The following SMAD1 variants were observed in gnomAD, a reference collection of about 807,000 sequenced individuals.
The protein encoded by SMAD1 is SMAD family member 1.
SMAD1 carries 6 observed loss-of-function variants against 41.6 expected under a neutral mutation model. The ratio of observed to expected loss-of-function variants is 0.14; its 90% CI spans 0.08 to 0.28. SMAD1 has a LOEUF of 0.28. SMAD1 is among the 10% of genes least tolerant of loss of function. The probability of loss-of-function intolerance (pLI) is 1.00; values close to 1 mark genes in which losing one functional copy is unlikely to be tolerated. For synonymous variants in SMAD1, 206 were observed against 203.2 expected (o/e 1.01, Z -0.12); for missense variants, 379 against 582.6 (o/e 0.65, Z 3.60).
intron 2 of SMAD1, among the ~76,000 whole-genome samples, chr4:145,530,249 G>A (rs1333416794): frequency 6.6e-6 from 1 of 152,114 alleles, no homozygotes; most frequent in Non-Finnish European, 1.5e-5. Flanking sequence ...TACCAGGGGT[G>A]GATAGAAAGA....
chr4:145,491,729 G>T (rs549650828), intron 1 of SMAD1, among the ~76,000 whole-genome samples: 1 of 152,276 alleles, frequency 6.6e-6, no homozygotes, highest in East Asian at 1.9e-4. Context: ...TCGTCCAGGA[G>T]TTTCCTTATT....
chr4:145,548,625 G>A (rs1732387529), intron 5 of SMAD1, among the ~76,000 whole-genome samples: 6 of 152,130 alleles, frequency 3.9e-5, no homozygotes, highest in Admixed American at 3.3e-4. Flanking sequence ...GGGGAAGGCT[G>A]GTTGATAAAT....
chr4:145,548,432 T>C (rs903889531), intron 5 of SMAD1, among the ~76,000 whole-genome samples: 4 of 152,086 alleles, frequency 2.6e-5, no homozygotes, highest in African/African-American at 9.7e-5. Context: ...AGTTTTACCT[T>C]GTTGGCTAGG....
chr4:145,527,140 ATAT>A (rs1463934226), intron 2 of SMAD1, among the ~76,000 whole-genome samples: 1 of 152,174 alleles, frequency 6.6e-6, no homozygotes, highest in African/African-American at 2.4e-5. Context: ...TTAGAATAAA[ATAT>A]TAATAAAGTT....
In SMAD1 at chr4:145,482,168, C is replaced by A; in HGVS notation, c.-177+130C>A. On this transcript the variant is annotated intron_variant, in intron 1 of 6. Coordinates refer to ENST00000302085, the MANE Select transcript of SMAD1 (RefSeq NM_005900.3). This position sits in a 1 kb window ranked among gnomAD's most constrained non-coding sequence, Gnocchi z 4.2. Reference sequence around the variant, plus strand: ...GTGGGGCCGCCGCGGTCGTGCTGGGCTGGGGGCGCGGGCAGCGGCGGGAAG... The same window carrying A: ...GTGGGGCCGCCGCGGTCGTGCTGGGATGGGGGCGCGGGCAGCGGCGGGAAG... 1 of 150,820 alleles carries A rather than the reference C, an allele frequency of 6.6e-6. No individual in the cohort carries two copies. The highest frequency in any genetic ancestry group is 1.5e-5 in the Non-Finnish European group (1 of 67,654). The allele number at this position is 150,820 out of a possible 1,614,324, so 9.3% of individuals were successfully genotyped here.
Position 145,482,381 on chromosome 4 carries a change from C to G in SMAD1, c.-177+343C>G, listed in dbSNP as rs578012107. ...GGCCCCCGAGCCTCGGCTCCCGGGCCTGACCGCGCTGGGATCTCCCCGGCC... is the reference window on the plus strand; with the variant it reads ...GGCCCCCGAGCCTCGGCTCCCGGGCGTGACCGCGCTGGGATCTCCCCGGCC... On this transcript the variant is annotated intron_variant, in intron 1 of 6. Transcript: ENST00000302085. The surrounding 1 kb of genome is among the most constrained non-coding windows in gnomAD (Gnocchi z 4.2). The G allele has an allele frequency of 6.6e-6, 1 of 152,356 alleles. No individual in the cohort carries two copies. Among genetic ancestry groups the G allele is most frequent in the East Asian group, 2.0e-4 (1 of 5,122 alleles). 9.4% of individuals were successfully genotyped at this position (152,356 alleles called of 1,614,324 possible).
intron 6 of SMAD1, among the ~76,000 whole-genome samples, chr4:145,555,425 C>T (rs1284033142): frequency 6.6e-6 from 1 of 152,102 alleles, no homozygotes; most frequent in Non-Finnish European, 1.5e-5. Flanking sequence ...GTGATTAAGG[C>T]ACAGATTTCT....
intron 1 of SMAD1, chr4:145,503,773 T>TGGCTACTCTAGTTTCCTCCCATATCC (rs1729602728): frequency 6.6e-6 from 1 of 152,284 alleles, no homozygotes; most frequent in South Asian, 2.1e-4. Context: ...GGGTTTTCTC[T>TGGCTACTCTAGTTTCCTCCCATATCC]GGCTACTCTA....
At chr4:145,557,551 A>G (rs138709011) in intron 6 of SMAD1, among the ~76,000 whole-genome samples, 1 of 152,318 alleles carries the variant, frequency 6.6e-6, no homozygotes, top group Non-Finnish European at 1.5e-5. Flanking sequence ...CCTCAAGACC[A>G]GCAATTCTTA....
chr4:145,483,840 G>A (rs550233064), intron 1 of SMAD1, among the ~76,000 whole-genome samples: 1 of 152,242 alleles, frequency 6.6e-6, no homozygotes, highest in Admixed American at 6.5e-5. Flanking sequence ...ACAACCATAG[G>A]TATGTAACCA....
At chr4:145,516,232 G>A (rs1730380490) in intron 2 of SMAD1, among the ~76,000 whole-genome samples, 1 of 152,074 alleles carries the variant, frequency 6.6e-6, no homozygotes, top group African/African-American at 2.4e-5. Flanking sequence ...ATGAGTCCAT[G>A]ACAATATGTA....
chr4:145,549,118 G>C (rs1317362800), intron 5 of SMAD1, among the ~76,000 whole-genome samples: 1 of 152,126 alleles, frequency 6.6e-6, no homozygotes, highest in African/African-American at 2.4e-5. Context: ...ACAAAGGTAT[G>C]GAAATGTTCC....
chr4:145,543,833 A>G (rs1169200948), intron 4 of SMAD1, among the ~76,000 whole-genome samples: 2 of 152,240 alleles, frequency 1.3e-5, no homozygotes, highest in African/African-American at 2.4e-5. Flanking sequence ...GCTGCACTCA[A>G]CACATGGCAT....
At chr4:145,488,718 G>T (rs1470423566) in intron 1 of SMAD1, among the ~76,000 whole-genome samples, 3 of 151,906 alleles carry the variant, frequency 2.0e-5, no homozygotes, top group Admixed American at 1.3e-4. Flanking sequence ...ATGAAGGAGG[G>T]ATATTAAATG....
intron 2 of SMAD1, among the ~76,000 whole-genome samples, chr4:145,524,419 G>T (rs1294089392): frequency 6.6e-6 from 1 of 151,786 alleles, no homozygotes; most frequent in African/African-American, 2.4e-5. Context: ...AGCCATTACT[G>T]TATGTTACTT....
chr4:145,506,427 G>A (rs1224063185), intron 1 of SMAD1, among the ~76,000 whole-genome samples: 2 of 151,946 alleles, frequency 1.3e-5, no homozygotes, highest in Non-Finnish European at 2.9e-5. Context: ...TTTTCCCCCA[G>A]TCACTTTTTG....
chr4:145,559,085 C>T lies in SMAD1; in HGVS notation c.*1151C>T, dbSNP rs1732998902. Among the ~76,000 whole-genome samples, 2 of 152,120 alleles carry T rather than the reference C, an allele frequency of 1.3e-5. No homozygotes were observed. The highest frequency in any genetic ancestry group is 1.5e-5 in the Non-Finnish European group (1 of 68,034). Reference sequence around the variant, plus strand: ...AATCTTTTGTATTCACTTATGCTCTCGTACATTGAGTACTTTTATTCCAAA... The same window carrying T: ...AATCTTTTGTATTCACTTATGCTCTTGTACATTGAGTACTTTTATTCCAAA... On this transcript the variant is annotated 3_prime_UTR_variant, in exon 7 of 7. Coordinates refer to ENST00000302085, the MANE Select transcript of SMAD1 (RefSeq NM_005900.3).
At chr4:145,550,684 C>T (rs1398348986) in intron 5 of SMAD1, among the ~76,000 whole-genome samples, 1 of 152,124 alleles carries the variant, frequency 6.6e-6, no homozygotes, top group Non-Finnish European at 1.5e-5. Flanking sequence ...ATCTAGAAAC[C>T]TCCAAAGAAT....
chr4:145,526,389 A>G (rs1578792400), intron 2 of SMAD1, among the ~76,000 whole-genome samples: 1 of 152,210 alleles, frequency 6.6e-6, no homozygotes, highest in South Asian at 2.1e-4. Context: ...AGCACCTGAA[A>G]AGTTTACCCA....
Sources: allele counts gnomAD v4.1 joint callset (sites outside exome capture counted in the v4.1 genomes callset), GRCh38; gene constraint gnomAD v4.1.1; non-coding constraint Gnocchi (gnomAD v3.1); transcripts MANE v1.5; gene names NCBI Gene and HGNC (gene_info 2026-07-23, HGNC 2026-07-21).